The following MCPH1 variants were observed in gnomAD, a reference collection of about 807,000 sequenced individuals.
MCPH1 encodes the protein microcephalin.
MCPH1 carries 104 observed loss-of-function variants against 84.5 expected under a neutral mutation model. The ratio of observed to expected loss-of-function variants is 1.23; its 90% CI spans 1.05 to 1.45. The LOEUF (loss-of-function observed/expected upper bound fraction) is 1.45. Ranked by LOEUF, MCPH1 falls within the 40% of genes most tolerant of loss-of-function variation. The probability of loss-of-function intolerance (pLI) is 0.00; values close to 1 mark genes in which losing one functional copy is unlikely to be tolerated. For synonymous variants in MCPH1, 514 were observed against 366.8 expected, an observed-to-expected ratio of 1.40 and a Z score of -4.58; for missense variants, 1,498 against 1,005.7, an observed-to-expected ratio of 1.49 and a Z score of -6.62.
At chr8:6,540,158 G>T (rs1290291583) in intron 12 of MCPH1, among the ~76,000 whole-genome samples, 1 of 152,160 alleles carries the variant, frequency 6.6e-6, no homozygotes, top group Non-Finnish European at 1.5e-5. Flanking sequence ...TTCTTTGAGT[G>T]CAGCTGCATA....
intron 12 of MCPH1, among the ~76,000 whole-genome samples, chr8:6,560,810 G>T (rs1825415688): frequency 6.6e-6 from 1 of 152,198 alleles, no homozygotes; most frequent in South Asian, 2.1e-4. Context: ...ACCTAAGAAA[G>T]AAATATGAGC....
At position 6,580,053 on chromosome 8, in the gene MCPH1, C is replaced by G. The variant is rs186621483; in HGVS notation, c.2215-41401C>G. 5.0e-4 allele frequency among the ~76,000 whole-genome samples: 76 copies of G among 152,324 alleles called. 1 individual carries two copies. The South Asian group carries it at 0.011, about 22-fold the overall frequency. ...ACTCCTGGGTAGTCAGCCCAGCTCT[C>G]ATTGACTCAGTCTGAACAGCTGCCT... is the stretch of plus-strand genomic sequence containing the variant. On this transcript the variant is annotated intron_variant, in intron 12 of 13. Coordinates refer to ENST00000344683, the MANE Select transcript of MCPH1 (RefSeq NM_024596.5).
In MCPH1 at chr8:6,528,833, C is replaced by T. The variant is rs375977915; in HGVS notation, c.2214+28904C>T. ...TGCAGGAGCCTTGGCTGGTCCACAG[C>T]GTGGGTTTCAGGGATGGTCTTATCC... is the stretch of plus-strand genomic sequence containing the variant. On this transcript the variant is annotated intron_variant, in intron 12 of 13. Transcript: ENST00000344683. Among the ~76,000 whole-genome samples, 243 of 152,312 alleles carry T rather than the reference C, an allele frequency of 1.6e-3. 1 individual carries two copies. The highest frequency in any genetic ancestry group is 5.7e-3 in the African/African-American group (239 of 41,572).
At chr8:6,491,145 G>T (rs2129561123) in intron 11 of MCPH1, among the ~76,000 whole-genome samples, 1 of 151,354 alleles carries the variant, frequency 6.6e-6, no homozygotes, top group South Asian at 2.1e-4. Flanking sequence ...ATACCAAATA[G>T]TGTCATACAT....
chr8:6,482,463 A>G (rs977123544), intron 11 of MCPH1, among the ~76,000 whole-genome samples: 1 of 152,216 alleles, frequency 6.6e-6, no homozygotes, highest in South Asian at 2.1e-4. Context: ...GCATCAGTGA[A>G]TGAGTTCTGT....
intron 12 of MCPH1, among the ~76,000 whole-genome samples, chr8:6,555,055 G>C (rs1824349970): frequency 6.6e-6 from 1 of 152,110 alleles, no homozygotes; most frequent in South Asian, 2.1e-4. Flanking sequence ...ACATAAAACA[G>C]TCATTTTAAT....
At chr8:6,481,038 G>A (rs1470778042) in intron 11 of MCPH1, among the ~76,000 whole-genome samples, 162 bp downstream of exon 11, 10 of 152,166 alleles carry the variant, frequency 6.6e-5, no homozygotes, top group Admixed American at 1.3e-4. Flanking sequence ...TTGGTCTCCC[G>A]TGGGCTGCTA....
At chr8:6,473,384 G>T (rs1808020093) in intron 9 of MCPH1, among the ~76,000 whole-genome samples, 1 of 130,834 alleles carries the variant, frequency 7.6e-6, no homozygotes, top group South Asian at 2.5e-4. Flanking sequence ...AGGCTGGAGT[G>T]CAGTGGCACG....
intron 12 of MCPH1, chr8:6,617,281 T>TTG (rs1357980760): frequency 6.7e-6 from 1 of 149,516 alleles, no homozygotes; most frequent in African/African-American, 2.5e-5. Flanking sequence ...TTTTTTGTTT[T>TTG]TTTTTTTGTT....
At chr8:6,444,344 A>T in intron 7 of MCPH1, 49 bp from the exon 8 acceptor site, 12 of 1,610,688 alleles carry the variant, frequency 7.5e-6, no homozygotes, top group Non-Finnish European at 9.3e-6. Context: ...TTGAATATAG[A>T]ATAATTTAAA....
intron 12 of MCPH1, among the ~76,000 whole-genome samples, chr8:6,553,469 C>T (rs750249200): frequency 1.1e-4 from 16 of 152,076 alleles, no homozygotes; most frequent in Non-Finnish European, 2.1e-4. Flanking sequence ...ATGGTAATTG[C>T]GTCGGCTTCA....
intron 12 of MCPH1, among the ~76,000 whole-genome samples, chr8:6,550,193 C>A (rs939646855): frequency 6.6e-6 from 1 of 152,260 alleles, no homozygotes; most frequent in Non-Finnish European, 1.5e-5. Context: ...TCGGCTCCAT[C>A]TCCAGATGTT....
At chr8:6,437,524 C>T (rs145888989) in intron 5 of MCPH1, among the ~76,000 whole-genome samples, 3,541 of 152,306 alleles carry the variant, frequency 0.023, 59 homozygotes, top group Non-Finnish European at 0.037. Flanking sequence ...CCACCGCGCC[C>T]GGCCAAGATT....
chr8:6,525,012 A>G (rs1172945699), intron 12 of MCPH1, among the ~76,000 whole-genome samples: 2 of 152,196 alleles, frequency 1.3e-5, no homozygotes, highest in Non-Finnish European at 2.9e-5. Context: ...ATAAAGCTCT[A>G]TGTAAAATGA....
chr8:6,576,682 ATTTTTTTTTTTTTTTTTTTTTT>A (rs58486084), intron 12 of MCPH1, among the ~76,000 whole-genome samples: 1,004 of 42,308 alleles, frequency 0.024, 18 homozygotes, highest in African/African-American at 0.026. Flanking sequence ...TAATTTTTGT[ATTTTTTTTTTTTTTTTTTTTTT>A]TTTTTTTTTT....
chr8:6,418,999 A>G (rs1372417721), intron 3 of MCPH1, among the ~76,000 whole-genome samples: 1 of 152,072 alleles, frequency 6.6e-6, no homozygotes, highest in African/African-American at 2.4e-5. Flanking sequence ...TTCTGGGATT[A>G]TAGTTTTAAA....
chr8:6,426,230 A>T (rs972541410), intron 3 of MCPH1, among the ~76,000 whole-genome samples: 3 of 152,156 alleles, frequency 2.0e-5, no homozygotes, highest in African/African-American at 7.2e-5. Context: ...AAATGGACCC[A>T]TTTTAAGTGT....
chr8:6,498,859 G>C (rs573778413), intron 11 of MCPH1, among the ~76,000 whole-genome samples: 80 of 152,082 alleles, frequency 5.3e-4, no homozygotes, highest in African/African-American at 1.9e-3. Flanking sequence ...GACCAGCCTG[G>C]CCAACACGGT....
At chr8:6,434,456 T>C (rs968710316) in intron 4 of MCPH1, among the ~76,000 whole-genome samples, 1 of 152,234 alleles carries the variant, frequency 6.6e-6, no homozygotes, top group Non-Finnish European at 1.5e-5. Flanking sequence ...TTTTGTGTCA[T>C]GCAGGTACTT....
Sources: allele counts gnomAD v4.1 joint callset (sites outside exome capture counted in the v4.1 genomes callset), GRCh38; gene constraint gnomAD v4.1.1; transcripts MANE v1.5; gene names NCBI Gene and HGNC (gene_info 2026-07-23, HGNC 2026-07-21).